Variants in GRIK3 observed in about 807,000 individuals in gnomAD.
The protein encoded by GRIK3 is glutamate receptor ionotropic, kainate 3.
A neutral mutation model predicts 102.5 loss-of-function variants in GRIK3; 29 were observed. The ratio of observed to expected loss-of-function variants is 0.28; its 90% CI spans 0.21 to 0.39. The LOEUF (loss-of-function observed/expected upper bound fraction) is 0.39, where lower values mean the gene tolerates loss of function less well. GRIK3 is among the 10% of genes least tolerant of loss of function. The probability of loss-of-function intolerance (pLI) is 1.00; values close to 1 mark genes in which losing one functional copy is unlikely to be tolerated. For synonymous variants in GRIK3, 511 were observed against 504.9 expected, an observed-to-expected ratio of 1.01 and a Z score of -0.16; for missense variants, 908 against 1,252.4, an observed-to-expected ratio of 0.73 and a Z score of 4.15.
At chr1:36,958,288 C>G (rs1382269756) in intron 1 of GRIK3, among the ~76,000 whole-genome samples, 2 of 80,636 alleles carry the variant, frequency 2.5e-5, no homozygotes, top group African/African-American at 6.3e-5. Flanking sequence ...TGCCCCATGA[C>G]TCTGTGCCCC....
intron 1 of GRIK3, among the ~76,000 whole-genome samples, chr1:36,931,159 G>C (rs1210827950): frequency 1.3e-5 from 2 of 152,210 alleles, no homozygotes; most frequent in Non-Finnish European, 2.9e-5. Context: ...TTCTTTCTCT[G>C]TAAAGTAAAT....
At chr1:36,944,529 C>T (rs1362045875) in intron 1 of GRIK3, among the ~76,000 whole-genome samples, 2 of 152,138 alleles carry the variant, frequency 1.3e-5, no homozygotes, top group Admixed American at 6.5e-5. Context: ...AGAGTGTTCT[C>T]AGTTCTCTGG....
intron 1 of GRIK3, among the ~76,000 whole-genome samples, chr1:37,030,109 T>C (rs1040958545): frequency 3.9e-5 from 6 of 152,250 alleles, no homozygotes; most frequent in East Asian, 1.9e-4. Context: ...GGCTGAAAAG[T>C]GGAGGTAGAA....
At chr1:36,829,112 C>A (rs1438848855) in intron 10 of GRIK3, among the ~76,000 whole-genome samples, 1 of 152,210 alleles carries the variant, frequency 6.6e-6, no homozygotes, top group Non-Finnish European at 1.5e-5. Context: ...GGCTGGAGTT[C>A]TCCACTGCGT....
chr1:36,832,104 A>G (rs1177368190), intron 10 of GRIK3, among the ~76,000 whole-genome samples: 1 of 152,002 alleles, frequency 6.6e-6, no homozygotes, highest in Admixed American at 6.6e-5. Flanking sequence ...TCATCGCACC[A>G]GGCACTTGTC....
intron 1 of GRIK3, among the ~76,000 whole-genome samples, chr1:36,935,949 C>A (rs994896649): frequency 6.6e-6 from 1 of 152,190 alleles, no homozygotes. Flanking sequence ...AAAGAAGATG[C>A]TGTTGCCATG....
chr1:36,912,341 C>A (rs1406977680), intron 1 of GRIK3, among the ~76,000 whole-genome samples: 2 of 152,148 alleles, frequency 1.3e-5, no homozygotes, highest in East Asian at 3.9e-4. Flanking sequence ...GGTGGATAAA[C>A]GTCCAGCTTC....
chr1:37,026,613 G>C (rs1642766893), intron 1 of GRIK3, among the ~76,000 whole-genome samples: 1 of 152,166 alleles, frequency 6.6e-6, no homozygotes, highest in Non-Finnish European at 1.5e-5. Context: ...AGACAATACT[G>C]TAAGGGTCAA....
chr1:36,817,351 A>G, intron 12 of GRIK3, 74 bp from the exon 13 acceptor site: 1 of 970,490 alleles, frequency 1.0e-6, no homozygotes, highest in Non-Finnish European at 1.7e-6. Context: ...TGGGTCATGG[A>G]TTCCTCTGAT....
rs1036498463 is a variant in GRIK3 at position 36,814,514 on chromosome 1, C to T, written c.2091+2546G>A. Among the ~76,000 whole-genome samples, 88 of 132,888 alleles carry T rather than the reference C, an allele frequency of 6.6e-4. 1 individual carries two copies. Among genetic ancestry groups the T allele is most frequent in the Middle Eastern group, 4.1e-3 (1 of 244 alleles). The allele number at this position is 132,888 out of a possible 152,430, so 87.2% of individuals were successfully genotyped here. A position where few individuals can be genotyped will look rare whatever the true frequency, so the allele number is the denominator to read the frequency against. The stretch of plus-strand genomic sequence containing the variant: ...ACCATTATACACATACATAGACCCC[C>T]CCCCCCCACACACAGAGACACATAT... On this transcript the variant is annotated intron_variant, in intron 13 of 15. Coordinates refer to ENST00000373091, the MANE Select transcript of GRIK3 (RefSeq NM_000831.4).
intron 1 of GRIK3, among the ~76,000 whole-genome samples, chr1:36,952,386 C>T (rs950607763): frequency 6.6e-6 from 1 of 152,154 alleles, no homozygotes. Flanking sequence ...CTGCACAGAG[C>T]AGGTGCTGAA....
At chr1:36,941,266 T>C (rs1372242986) in intron 1 of GRIK3, among the ~76,000 whole-genome samples, 2 of 152,198 alleles carry the variant, frequency 1.3e-5, no homozygotes, top group East Asian at 3.8e-4. Context: ...GCATGCCCAC[T>C]CCAAGCGCCA....
At chr1:36,959,228 G>T (rs1369939028) in intron 1 of GRIK3, among the ~76,000 whole-genome samples, 3 of 126,870 alleles carry the variant, frequency 2.4e-5, no homozygotes, top group African/African-American at 8.4e-5. Flanking sequence ...TGTGCCCCAT[G>T]ACTCTGTGTC....
At chr1:36,846,203 CG>C (rs1404870767) in intron 9 of GRIK3, among the ~76,000 whole-genome samples, 1 of 151,586 alleles carries the variant, frequency 6.6e-6, no homozygotes, top group Non-Finnish European at 1.5e-5. Flanking sequence ...GGTGAGAGGG[CG>C]GGGGAGGGCA....
chr1:36,994,781 T>A (rs1411453228), intron 1 of GRIK3, among the ~76,000 whole-genome samples: 1 of 152,188 alleles, frequency 6.6e-6, no homozygotes, highest in Non-Finnish European at 1.5e-5. Flanking sequence ...CATTCTAAAC[T>A]TCCTGGCAAA....
intron 13 of GRIK3, among the ~76,000 whole-genome samples, chr1:36,814,087 T>C (rs1642593691): frequency 6.6e-6 from 1 of 152,134 alleles, no homozygotes; most frequent in Admixed American, 6.5e-5. Flanking sequence ...TCTGCCCTCC[T>C]CGCTGTGCCA....
intron 1 of GRIK3, among the ~76,000 whole-genome samples, chr1:37,024,608 T>A (rs1353205108): frequency 6.6e-6 from 1 of 151,676 alleles, no homozygotes; most frequent in African/African-American, 2.4e-5. Context: ...CCAGGCATGG[T>A]GGCAGGTGCC....
intron 1 of GRIK3, among the ~76,000 whole-genome samples, chr1:36,982,065 C>A (rs967197912): frequency 4.6e-5 from 7 of 152,182 alleles, no homozygotes; most frequent in African/African-American, 1.7e-4. Context: ...CTACTCCCTC[C>A]GGCTCCTGAA....
chr1:36,939,817 G>A (rs1641699861), intron 1 of GRIK3, among the ~76,000 whole-genome samples: 1 of 152,176 alleles, frequency 6.6e-6, no homozygotes, highest in Admixed American at 6.5e-5. Context: ...GTGAATCAGA[G>A]GGGGACCCTT....
Sources: gnomAD v4.1 joint callset for allele counts (sites outside exome capture counted in the v4.1 genomes callset) on GRCh38, gnomAD v4.1.1 for gene constraint, MANE v1.5 for transcripts, NCBI Gene and HGNC (gene_info 2026-07-23, HGNC 2026-07-21) for gene names.